Variants in L3MBTL4 observed in about 807,000 individuals in gnomAD.
The protein encoded by L3MBTL4 is L3MBTL histone methyl-lysine binding protein 4, also known as lethal(3)malignant brain tumor-like protein 4.
A neutral mutation model predicts 84.5 loss-of-function variants in L3MBTL4; 70 were observed. That is an observed-to-expected ratio of 0.83 (90% CI 0.68 to 1.01). The LOEUF is 1.01. L3MBTL4 is among the 50% of genes least tolerant of loss of function. The pLI is 0.00. For missense variants in L3MBTL4, 715 were observed against 754.8 expected, an observed-to-expected ratio of 0.95 and a Z score of 0.62; for synonymous variants, 274 against 259.8, an observed-to-expected ratio of 1.05 and a Z score of -0.52.
chr18:6,171,877 G>A lies in L3MBTL4; in HGVS notation c.1047C>T (p.His349=), dbSNP rs1298145061. The change falls in exon 13 of 19, where the codon CAC becomes CAT. Residue 349 remains histidine (H), a synonymous_variant. Transcript: ENST00000317931. ...CTGTGACATCACACCATCCGATCGGGTGGATATCAGGGCTGTCTGCCTCCA... is the reference window on the plus strand; with the variant it reads ...CTGTGACATCACACCATCCGATCGGATGGATATCAGGGCTGTCTGCCTCCA... ...YWVEADSPDI[H]PIGWCDVTGH... 14 of 1,555,792 alleles carry A rather than the reference G, an allele frequency of 9.0e-6. No individual in the cohort carries two copies. The highest frequency in any genetic ancestry group is 1.2e-5 in the Non-Finnish European group (14 of 1,148,594).
chr18:6,309,406 A>T (rs2050729887), intron 3 of L3MBTL4, among the ~76,000 whole-genome samples: 1 of 152,266 alleles, frequency 6.6e-6, no homozygotes, highest in South Asian at 2.1e-4. Context: ...GCTTTAAAAT[A>T]ATGATATGTC....
Position 6,311,547 on chromosome 18 carries a change from A to G in L3MBTL4, c.72+7T>C. The G allele has an allele frequency of 6.2e-7, 1 of 1,610,902 alleles. No homozygotes were observed. Among genetic ancestry groups the G allele is most frequent in the Non-Finnish European group, 8.5e-7 (1 of 1,177,856 alleles). On this transcript the variant is annotated splice_region_variant and intron_variant, in intron 3 of 18. Transcript: ENST00000317931. ...TGTGAGGAAGGGTCCAGGGATGGAC[A>G]TCTTACCAAGCGTCCGTCCTGATCC...
At chr18:6,344,517 C>G (rs2143596530) in intron 1 of L3MBTL4, among the ~76,000 whole-genome samples, 1 of 152,266 alleles carries the variant, frequency 6.6e-6, no homozygotes, top group Non-Finnish European at 1.5e-5. Flanking sequence ...AGAGTAGAGA[C>G]AACACTTTCA....
intron 13 of L3MBTL4, among the ~76,000 whole-genome samples, chr18:6,167,030 C>T (rs2043701680): frequency 6.6e-6 from 1 of 152,168 alleles, no homozygotes; most frequent in African/African-American, 2.4e-5. Context: ...AAACTACCAT[C>T]AGAAAATACT....
At chr18:6,189,667 G>T (rs1409064506) in intron 12 of L3MBTL4, among the ~76,000 whole-genome samples, 1 of 152,006 alleles carries the variant, frequency 6.6e-6, no homozygotes, top group South Asian at 2.1e-4. Flanking sequence ...TAAAGTTGGA[G>T]AAATTTAACA....
chr18:6,131,323 G>A (rs1224607283), intron 14 of L3MBTL4, among the ~76,000 whole-genome samples: 1 of 152,174 alleles, frequency 6.6e-6, no homozygotes, highest in Non-Finnish European at 1.5e-5. Flanking sequence ...GGGTTTGGAA[G>A]CAGAAGTCAA....
chr18:6,325,648 G>C (rs72863187), intron 1 of L3MBTL4, among the ~76,000 whole-genome samples: 1 of 152,236 alleles, frequency 6.6e-6, no homozygotes, highest in South Asian at 2.1e-4. Context: ...AAAAAATTCA[G>C]CATAGCAGTT....
At chr18:6,025,864 C>T (rs898354715) in intron 16 of L3MBTL4, among the ~76,000 whole-genome samples, 13 of 152,252 alleles carry the variant, frequency 8.5e-5, no homozygotes, top group Non-Finnish European at 5.9e-5. Flanking sequence ...ACCAGCCTGC[C>T]GCTCACTTCC....
chr18:5,989,830 T>A (rs1280025677), intron 16 of L3MBTL4, among the ~76,000 whole-genome samples: 2 of 152,200 alleles, frequency 1.3e-5, no homozygotes, highest in Non-Finnish European at 2.9e-5. Context: ...TTCTGGTAGG[T>A]CCTGAGCAAC....
chr18:6,039,891 C>T (rs564936600), intron 16 of L3MBTL4, among the ~76,000 whole-genome samples: 2 of 152,164 alleles, frequency 1.3e-5, no homozygotes, highest in Admixed American at 1.3e-4. Context: ...GACGATGAAA[C>T]AAAACTTACA....
At chr18:6,072,915 TATATATATATAC>T (rs1489062625) in intron 16 of L3MBTL4, among the ~76,000 whole-genome samples, 8 of 87,670 alleles carry the variant, frequency 9.1e-5, no homozygotes, top group African/African-American at 2.5e-4. Flanking sequence ...TATATATATA[TATATATATATAC>T]ACACATACAT....
chr18:6,247,796 A>G (rs912068291), intron 5 of L3MBTL4, among the ~76,000 whole-genome samples: 1 of 151,588 alleles, frequency 6.6e-6, no homozygotes, highest in Non-Finnish European at 1.5e-5. Flanking sequence ...TTTTTTGACT[A>G]GAACATTCCT....
chr18:5,958,022 G>A (rs1225575317), intron 18 of L3MBTL4, among the ~76,000 whole-genome samples: 3 of 118,442 alleles, frequency 2.5e-5, no homozygotes, highest in Non-Finnish European at 5.3e-5. Flanking sequence ...AGGAGGAGAA[G>A]GAGAAAGAGG....
intron 4 of L3MBTL4, among the ~76,000 whole-genome samples, chr18:6,266,614 C>T (rs115393322): frequency 0.013 from 1,920 of 152,202 alleles, 36 homozygotes; most frequent in African/African-American, 0.042. Flanking sequence ...GAATAATTCA[C>T]GTAAACTTTT....
chr18:6,105,183 ATTTTTTTTTTTT>A (rs869169400), intron 14 of L3MBTL4, among the ~76,000 whole-genome samples: 1 of 100,426 alleles, frequency 1.0e-5, no homozygotes, highest in Admixed American at 1.2e-4. Context: ...AACACCACCA[ATTTTTTTTTTTT>A]TTTTTTTTTT....
intron 16 of L3MBTL4, among the ~76,000 whole-genome samples, chr18:6,000,181 T>G (rs1187850917): frequency 1.3e-5 from 2 of 152,196 alleles, no homozygotes; most frequent in African/African-American, 4.8e-5. Flanking sequence ...CAGTAAAATC[T>G]ATTAAATTTT....
At chr18:6,096,073 T>A (rs2143734156) in intron 14 of L3MBTL4, among the ~76,000 whole-genome samples, 1 of 152,278 alleles carries the variant, frequency 6.6e-6, no homozygotes, top group Non-Finnish European at 1.5e-5. Flanking sequence ...ACCATGAATT[T>A]TTTTTTTTGT....
chr18:6,071,767 AAG>A (rs1491288039), intron 16 of L3MBTL4, among the ~76,000 whole-genome samples: 1 of 103,888 alleles, frequency 9.6e-6, no homozygotes. Flanking sequence ...GAAAAAAAGA[AAG>A]AAAGAAAGAA....
intron 1 of L3MBTL4, among the ~76,000 whole-genome samples, chr18:6,359,991 A>G (rs1201798377): frequency 6.6e-6 from 1 of 152,234 alleles, no homozygotes; most frequent in Non-Finnish European, 1.5e-5. Context: ...ATGACATACT[A>G]ACAACAAGCT....
Sources: allele counts gnomAD v4.1 joint callset (sites outside exome capture counted in the v4.1 genomes callset), GRCh38; gene constraint gnomAD v4.1.1; transcripts MANE v1.5; gene names NCBI Gene and HGNC (gene_info 2026-07-23, HGNC 2026-07-21).